Variants in DGKZ observed in about 807,000 individuals in gnomAD.
DGKZ encodes the protein DAG kinase zeta.
Under a neutral mutation model 142.5 loss-of-function variants are expected in DGKZ, and 45 were observed. That is an observed-to-expected ratio of 0.32 (90% CI 0.25 to 0.40). The LOEUF (loss-of-function observed/expected upper bound fraction) is 0.40. Among genes scored for constraint, DGKZ ranks in the 10% least tolerant of loss-of-function variants. The pLI is 1.00. For missense variants in DGKZ, 755 were observed against 1,306.5 expected (o/e 0.58, Z 6.51); for synonymous variants, 442 against 527.0 (o/e 0.84, Z 2.21).
At chr11:46,359,853 G>C (rs1415314888) in intron 1 of DGKZ, among the ~76,000 whole-genome samples, 1 of 149,806 alleles carries the variant, frequency 6.7e-6, no homozygotes, top group Non-Finnish European at 1.5e-5. Context: ...CCTGACCTCA[G>C]TTGATCCGCC....
intron 1 of DGKZ, chr11:46,366,509 C>A: frequency 6.3e-7 from 1 of 1,588,386 alleles, no homozygotes; most frequent in East Asian, 2.3e-5. Context: ...CTGCAACCCC[C>A]GCTTCATCGT....
At chr11:46,370,725 A>G (rs1259370078) in intron 6 of DGKZ, among the ~76,000 whole-genome samples, 1 of 152,066 alleles carries the variant, frequency 6.6e-6, no homozygotes, top group Non-Finnish European at 1.5e-5. Context: ...TCAGGGAGTC[A>G]GGGGGCCCGG....
At chr11:46,371,247 C>T in intron 6 of DGKZ, 66 bp from the exon 7 acceptor site, 2 of 1,498,874 alleles carry the variant, frequency 1.3e-6, no homozygotes, top group Non-Finnish European at 1.8e-6. Flanking sequence ...AGGCTGGCAC[C>T]AGGAGAGGGG....
upstream of DGKZ, among the ~76,000 whole-genome samples, chr11:46,345,906 G>A (rs1260034495): frequency 6.6e-6 from 1 of 152,168 alleles, no homozygotes; most frequent in East Asian, 1.9e-4. The surrounding 1 kb of genome is among the most constrained non-coding windows in gnomAD (Gnocchi z 4.1). Flanking sequence ...AGACTCCGTG[G>A]GGTCTTCAGT....
At chr11:46,355,313 T>G (rs963869266) in intron 1 of DGKZ, among the ~76,000 whole-genome samples, 6 of 151,950 alleles carry the variant, frequency 3.9e-5, no homozygotes, top group Admixed American at 3.9e-4. Flanking sequence ...TTTCGCCATG[T>G]TAGCCAGGAT....
At chr11:46,333,553 A>C in intron 1 of DGKZ, 1 of 1,430,714 alleles carries the variant, frequency 7.0e-7, no homozygotes. Context: ...GCGTCATTGC[A>C]CAAACGTTTA....
chr11:46,371,030 A>G (rs1943886726), intron 6 of DGKZ, among the ~76,000 whole-genome samples: 1 of 152,194 alleles, frequency 6.6e-6, no homozygotes, highest in Admixed American at 6.5e-5. Flanking sequence ...GGTTGCAGTG[A>G]GCCAAGATCA....
Position 46,379,457 on chromosome 11 carries a change from C to G in DGKZ, c.2577C>G (p.Pro859=). 2 of 1,605,898 alleles carry G rather than the reference C, an allele frequency of 1.2e-6. No individual in the cohort carries two copies. Among genetic ancestry groups the G allele is most frequent in the Non-Finnish European group, 1.7e-6 (2 of 1,176,676 alleles). ...ACGGGATGGGGTACACAGCCAGCCC[C>G]TGCTCCCCCAGCGGGGAGACCTGTT... The change falls in exon 30 of 31, where the codon CCC becomes CCG. Residue 859 remains proline (P), a synonymous_variant. Transcript: ENST00000527911.
intron 1 of DGKZ, among the ~76,000 whole-genome samples, chr11:46,334,367 C>T (rs1939908333): frequency 6.6e-6 from 1 of 152,236 alleles, no homozygotes; most frequent in Non-Finnish European, 1.5e-5. Context: ...GCCACTAGGG[C>T]AGCTGCGGTC....
rs747822279 is a variant in DGKZ at position 46,378,217 on chromosome 11, G to A, written c.2362G>A (p.Ala788Thr). The A allele has an allele frequency of 1.9e-6, 3 of 1,608,982 alleles. No individual in the cohort carries two copies. The highest frequency in any genetic ancestry group is 2.5e-6 in the Non-Finnish European group (3 of 1,178,476). Residue 788 changes from alanine (A) to threonine (T), a missense_variant, in exon 26 of 31, where the codon GCA (alanine) becomes ACA (threonine). Coordinates refer to ENST00000527911, the Ensembl canonical transcript of DGKZ. ...TTGCAGGTCACTGCAAGGGGATGCT[G>A]CACCCCCTCAAGGTGAGGCCTCTCC... is the stretch of plus-strand genomic sequence containing the variant.
At chr11:46,364,038 T>C (rs1440108440) in intron 1 of DGKZ, among the ~76,000 whole-genome samples, 2 of 152,206 alleles carry the variant, frequency 1.3e-5, no homozygotes, top group African/African-American at 4.8e-5. Flanking sequence ...TTACACGAGA[T>C]GATAAAGTAC....
upstream of DGKZ, chr11:46,345,237 C>G (rs544477157): frequency 6.4e-4 from 864 of 1,349,192 alleles, 2 homozygotes; most frequent in Non-Finnish European, 7.6e-4. This position sits in a 1 kb window ranked among gnomAD's most constrained non-coding sequence, Gnocchi z 4.1. Context: ...CCCCACCTGC[C>G]CCTTGCTTTC....
intron 1 of DGKZ, among the ~76,000 whole-genome samples, chr11:46,357,896 G>A (rs1225682581): frequency 6.6e-6 from 1 of 152,216 alleles, no homozygotes; most frequent in Non-Finnish European, 1.5e-5. Context: ...AGTAAGTCAG[G>A]CACAGCCAGA....
chr11:46,350,171 A>G (rs1941191072), intron 1 of DGKZ, among the ~76,000 whole-genome samples: 1 of 152,210 alleles, frequency 6.6e-6, no homozygotes, highest in Non-Finnish European at 1.5e-5. Flanking sequence ...CAGTAGTATC[A>G]GGCAGAGAGC....
At chr11:46,368,209 A>G (rs1424238695) in intron 4 of DGKZ, 130 bp downstream of exon 4, 1 of 921,570 alleles carries the variant, frequency 1.1e-6, no homozygotes, top group South Asian at 1.4e-5. Context: ...TGAAGAGTCA[A>G]GGACCCTGGA....
chr11:46,335,980 T>C (rs1361916113), intron 1 of DGKZ, among the ~76,000 whole-genome samples: 1 of 152,232 alleles, frequency 6.6e-6, no homozygotes, highest in Admixed American at 6.5e-5. Flanking sequence ...CGTGCAGCTC[T>C]GGCTGGCAGC....
chr11:46,360,886 G>A (rs911008244), intron 1 of DGKZ, among the ~76,000 whole-genome samples: 1 of 152,160 alleles, frequency 6.6e-6, no homozygotes, highest in African/African-American at 2.4e-5. Context: ...GAGTTGGGGG[G>A]GTGGCATTCC....
chr11:46,378,281 G>A (rs765339566), intron 26 of DGKZ, 52 bp downstream of exon 26: 3 of 1,577,460 alleles, frequency 1.9e-6, no homozygotes, highest in Admixed American at 1.8e-5. Context: ...GGGGGCAGGA[G>A]GCTCAGTGGG....
intron 15 of DGKZ, 22 bp downstream of exon 15, chr11:46,374,257 C>A: frequency 6.2e-7 from 1 of 1,613,808 alleles, no homozygotes; most frequent in Non-Finnish European, 8.5e-7. Flanking sequence ...CCCACTGAGG[C>A]CAGGGCAGGG....
Sources: allele counts gnomAD v4.1 joint callset (sites outside exome capture counted in the v4.1 genomes callset), GRCh38; gene constraint gnomAD v4.1.1; non-coding constraint Gnocchi (gnomAD v3.1); transcripts MANE v1.5; gene names NCBI Gene and HGNC (gene_info 2026-07-23, HGNC 2026-07-21).